SLAIN2: variants seen among roughly 807,000 people sequenced by gnomAD.
SLAIN2 encodes the protein SLAIN motif-containing protein 2.
SLAIN2 carries 31 observed loss-of-function variants against 56.6 expected under a neutral mutation model. That is an observed-to-expected ratio of 0.55 (90% confidence interval 0.41 to 0.74). The LOEUF (loss-of-function observed/expected upper bound fraction) is 0.74, where lower values mean the gene tolerates loss of function less well. Ranked by LOEUF, SLAIN2 falls within the 30% of genes least tolerant of loss-of-function variation. SLAIN2 has a pLI of 0.00. For synonymous variants in SLAIN2, 317 were observed against 284.9 expected (o/e 1.11, Z -1.13); for missense variants, 777 against 754.2 (o/e 1.03, Z -0.35).
chr4:48,370,096 G>T, intron 2 of SLAIN2, 99 bp downstream of exon 2: 1 of 1,232,000 alleles, frequency 8.1e-7, no homozygotes. Flanking sequence ...ATTCTTTGGA[G>T]CATTTTTCAA....
Position 48,423,624 on chromosome 4 carries a change from C to T in SLAIN2, c.*1547C>T, listed in dbSNP as rs1338956399. ...AAGGTTGATAGGTTGATGATAAAAA[C>T]TTAAAACCAGGACCTCCATTCTGTC... On this transcript the variant is annotated 3_prime_UTR_variant, in exon 8 of 8. Transcript: ENST00000264313. 1.3e-5 allele frequency: 2 copies of T among 152,170 alleles called. No individual in the cohort carries two copies. Among genetic ancestry groups the T allele is most frequent in the African/African-American group, 4.8e-5 (2 of 41,432 alleles). 9.4% of individuals were successfully genotyped at this position (152,170 alleles called of 1,614,324 possible). A position where few individuals can be genotyped will look rare whatever the true frequency, so the allele number is the denominator to read the frequency against.
chr4:48,367,284 G>A (rs1221653951), intron 1 of SLAIN2, among the ~76,000 whole-genome samples: 2 of 152,140 alleles, frequency 1.3e-5, no homozygotes, highest in Non-Finnish European at 2.9e-5. Context: ...TAGACTTCAG[G>A]TAGTAATACA....
At chr4:48,387,261 G>C (rs1716125147) in intron 6 of SLAIN2, 1 of 152,144 alleles carries the variant, frequency 6.6e-6, no homozygotes, top group Non-Finnish European at 1.5e-5. Context: ...ATAATGCATT[G>C]TCTGTGTCTT....
chr4:48,397,812 A>G (rs529389735), intron 6 of SLAIN2, among the ~76,000 whole-genome samples: 8 of 152,200 alleles, frequency 5.3e-5, no homozygotes, highest in Non-Finnish European at 7.4e-5. Flanking sequence ...AACTCCATCT[A>G]TGTCCCTGCA....
intron 1 of SLAIN2, among the ~76,000 whole-genome samples, chr4:48,366,243 C>T (rs1349016598): frequency 6.6e-6 from 1 of 152,036 alleles, no homozygotes; most frequent in East Asian, 1.9e-4. Flanking sequence ...ATGGTCTGTC[C>T]CAGAGAATGT....
At chr4:48,384,572 G>C (rs1016727432) in intron 6 of SLAIN2, among the ~76,000 whole-genome samples, 1 of 152,134 alleles carries the variant, frequency 6.6e-6, no homozygotes, top group African/African-American at 2.4e-5. Flanking sequence ...AATTCTTAGA[G>C]TTAAAGCTAA....
chr4:48,393,970 G>A (rs1411126383), intron 6 of SLAIN2, among the ~76,000 whole-genome samples: 1 of 152,136 alleles, frequency 6.6e-6, no homozygotes, highest in African/African-American at 2.4e-5. Flanking sequence ...GCATTACATA[G>A]CATGCTCCCC....
At chr4:48,387,861 A>G (rs1023864142) in intron 6 of SLAIN2, among the ~76,000 whole-genome samples, 3 of 152,072 alleles carry the variant, frequency 2.0e-5, no homozygotes, top group Non-Finnish European at 4.4e-5. Flanking sequence ...TCTTTATATA[A>G]TTTGTACAAT....
chr4:48,362,914 C>G (rs922596015), intron 1 of SLAIN2, among the ~76,000 whole-genome samples: 2 of 88,212 alleles, frequency 2.3e-5, no homozygotes, highest in Non-Finnish European at 4.5e-5. Flanking sequence ...TGCGGCCTTC[C>G]GCAGTGTTTG....
At chr4:48,406,601 C>T (rs905110192) in intron 6 of SLAIN2, among the ~76,000 whole-genome samples, 3 of 148,478 alleles carry the variant, frequency 2.0e-5, no homozygotes, top group African/African-American at 7.5e-5. Context: ...TTCTCCTTCA[C>T]ATACCTCATT....
intron 1 of SLAIN2, among the ~76,000 whole-genome samples, chr4:48,365,699 T>A (rs1388532303): frequency 2.0e-5 from 3 of 151,866 alleles, no homozygotes; most frequent in Non-Finnish European, 4.4e-5. Context: ...GTAGCTGGGA[T>A]TACAGGTGCC....
At chr4:48,343,430 T>C (rs1714779622) in intron 1 of SLAIN2, among the ~76,000 whole-genome samples, 1 of 152,244 alleles carries the variant, frequency 6.6e-6, no homozygotes, top group African/African-American at 2.4e-5. Flanking sequence ...GAAACAGTTC[T>C]TATATGATGT....
At chr4:48,409,325 C>T (rs865836005) in intron 6 of SLAIN2, among the ~76,000 whole-genome samples, 19 of 152,148 alleles carry the variant, frequency 1.2e-4, no homozygotes, top group African/African-American at 4.1e-4. Flanking sequence ...CCACCTCCCC[C>T]GACCCTGCCA....
chr4:48,375,961 A>G (rs1195733399), intron 2 of SLAIN2, among the ~76,000 whole-genome samples: 1 of 152,200 alleles, frequency 6.6e-6, no homozygotes, highest in Non-Finnish European at 1.5e-5. Flanking sequence ...AATTACTCCT[A>G]ACTCTTCCTT....
At chr4:48,361,624 A>AT (rs34131094) in intron 1 of SLAIN2, among the ~76,000 whole-genome samples, 35,094 of 151,018 alleles carry the variant, frequency 0.23, 4,852 homozygotes, top group Middle Eastern at 0.33. Flanking sequence ...AATTAAAAAG[A>AT]TTTTTTTTTT....
In SLAIN2 at chr4:48,420,409, G is replaced by A. The variant is rs1478010710; in HGVS notation, c.1645G>A (p.Val549Met). 6.2e-7 allele frequency: 1 copy of A among 1,614,002 alleles called. No individual in the cohort carries two copies. The highest frequency in any genetic ancestry group is 2.2e-5 in the East Asian group (1 of 44,880). ...TGCCCCTTCTGCTGGGGGCATACCAGTGCCTCGCAGCAAACTTGCACAGCC... is the reference window on the plus strand; with the variant it reads ...TGCCCCTTCTGCTGGGGGCATACCAATGCCTCGCAGCAAACTTGCACAGCC... ...PSAPSAGGIP[V>M]PRSKLAQPVR... Residue 549 changes from valine (V) to methionine (M), a missense_variant, in exon 7 of 8, where the codon GTG becomes ATG. Coordinates refer to ENST00000264313, the MANE Select transcript of SLAIN2 (RefSeq NM_020846.2).
chr4:48,366,141 A>G (rs1284556599), intron 1 of SLAIN2, among the ~76,000 whole-genome samples: 2 of 151,990 alleles, frequency 1.3e-5, no homozygotes, highest in African/African-American at 4.8e-5. Flanking sequence ...TCTGTTGCTG[A>G]TTTCTAATTT....
In SLAIN2 at chr4:48,370,751, T is replaced by C. The variant is rs530539409; in HGVS notation, c.538+754T>C. 3.3e-5 allele frequency among the ~76,000 whole-genome samples: 5 copies of C among 152,360 alleles called. No individual in the cohort carries two copies. In the South Asian group the frequency reaches 1.0e-3, roughly 32 times the overall value. On this transcript the variant is annotated intron_variant, in intron 2 of 7. Coordinates refer to ENST00000264313, the MANE Select transcript of SLAIN2 (RefSeq NM_020846.2). ...CTTGTATTTCTCTCAGTCTGTTTTATGAAATATTCAGATAGTAAAAGATGG... is the reference window on the plus strand; with the variant it reads ...CTTGTATTTCTCTCAGTCTGTTTTACGAAATATTCAGATAGTAAAAGATGG...
chr4:48,370,414 C>G (rs1351207891), intron 2 of SLAIN2, among the ~76,000 whole-genome samples: 1 of 152,344 alleles, frequency 6.6e-6, no homozygotes, highest in East Asian at 1.9e-4. Context: ...CTTAATTGCT[C>G]TGTCACTGCA....
Sources: gnomAD v4.1 joint callset for allele counts (sites outside exome capture counted in the v4.1 genomes callset) on GRCh38, gnomAD v4.1.1 for gene constraint, MANE v1.5 for transcripts, NCBI Gene and HGNC (gene_info 2026-07-23, HGNC 2026-07-21) for gene names.